FDX1: variants seen among roughly 807,000 people sequenced by gnomAD.
FDX1 encodes the protein adrenodoxin, mitochondrial.
In FDX1, 9 loss-of-function variants were observed where a neutral mutation model predicts 14.9. That is an observed-to-expected ratio of 0.60 (90% CI 0.36 to 1.05). The LOEUF (loss-of-function observed/expected upper bound fraction) is 1.05. Ranked by LOEUF, FDX1 falls within the 50% of genes least tolerant of loss-of-function variation. The pLI, the probability that FDX1 is intolerant of heterozygous loss-of-function variation, is 0.01. For missense variants in FDX1, 204 were observed against 237.2 expected, an observed-to-expected ratio of 0.86 and a Z score of 0.92; for synonymous variants, 92 against 99.4, an observed-to-expected ratio of 0.93 and a Z score of 0.44.
At chr11:110,456,509 CTT>C (rs11463993) in intron 2 of FDX1, among the ~76,000 whole-genome samples, 16 of 83,808 alleles carry the variant, frequency 1.9e-4, no homozygotes, top group African/African-American at 7.8e-4. Flanking sequence ...TTTATGTATT[CTT>C]TTTTTTTTTT....
intron 3 of FDX1, among the ~76,000 whole-genome samples, chr11:110,460,100 G>A (rs1019821520): frequency 6.6e-6 from 1 of 152,194 alleles, no homozygotes; most frequent in Non-Finnish European, 1.5e-5. Context: ...CTGTCTTAAC[G>A]AATTTGTCCA....
chr11:110,430,824 C>A (rs1464288202), intron 1 of FDX1, among the ~76,000 whole-genome samples: 1 of 152,170 alleles, frequency 6.6e-6, no homozygotes, highest in African/African-American at 2.4e-5. Context: ...ACACCCAGCC[C>A]ATACCCTCTG....
intron 2 of FDX1, among the ~76,000 whole-genome samples, chr11:110,453,000 C>A (rs1341075308): frequency 6.6e-6 from 1 of 152,150 alleles, no homozygotes; most frequent in Non-Finnish European, 1.5e-5. Flanking sequence ...TGCTCTGTAC[C>A]CTCAGTGTGG....
intron 3 of FDX1, among the ~76,000 whole-genome samples, chr11:110,458,796 C>T (rs961946745): frequency 5.9e-5 from 9 of 151,996 alleles, no homozygotes; most frequent in African/African-American, 1.9e-4. Context: ...TGAGTAGAGA[C>T]GGGGTTTCAC....
intron 3 of FDX1, among the ~76,000 whole-genome samples, chr11:110,460,523 C>T (rs12221694): frequency 0.15 from 22,564 of 152,222 alleles, 1,793 homozygotes; most frequent in East Asian, 0.25. Context: ...ACCTATCCTC[C>T]AAAGCCCATT....
At position 110,435,697 on chromosome 11, in the gene FDX1, T is replaced by TA. The variant is rs572827954; in HGVS notation, c.186-129dup. ...ACCCCGTCACTACAAAAAATAAAAA[T>TA]AAAAAAAATTAGCCAGGCGTGGTGC... On this transcript the variant is annotated intron_variant, in intron 1 of 3. Coordinates refer to ENST00000260270, the MANE Select transcript of FDX1 (RefSeq NM_004109.5). 415 of 570,950 alleles carry TA rather than the reference T, an allele frequency of 7.3e-4. 2 individuals are homozygous for TA. Among genetic ancestry groups the TA allele is most frequent in the Non-Finnish European group, 6.8e-4 (238 of 347,986 alleles). 35.4% of individuals were successfully genotyped at this position (570,950 alleles called of 1,614,324 possible).
Position 110,462,386 on chromosome 11 carries a change from A to C in FDX1, c.473A>C (p.Lys158Thr), listed in dbSNP as rs768513361. The part of the protein sequence containing the change: ...SRLGCQICLT[K>T]SMDNMTVRVP... ...TTGGGCTGCCAAATCTGTTTGACAAAATCTATGGACAATATGACTGTTCGA... is the reference window on the plus strand; with the variant it reads ...TTGGGCTGCCAAATCTGTTTGACAACATCTATGGACAATATGACTGTTCGA... Residue 158 changes from lysine (K) to threonine (T), a missense_variant, in exon 4 of 4, where the codon AAA becomes ACA. Physicochemically the swap from Lys to Thr is moderately conservative, Grantham distance 78. Coordinates refer to ENST00000260270, the MANE Select transcript of FDX1 (RefSeq NM_004109.5). The C allele has an allele frequency of 6.2e-7, 1 of 1,612,164 alleles. No homozygotes were observed. Among genetic ancestry groups the C allele is most frequent in the Non-Finnish European group, 8.5e-7 (1 of 1,178,508 alleles).
chr11:110,464,872 A>T lies in FDX1; in HGVS notation c.*2404A>T, dbSNP rs1946583295. On this transcript the variant is annotated 3_prime_UTR_variant, in exon 4 of 4. Coordinates refer to ENST00000260270, the MANE Select transcript of FDX1 (RefSeq NM_004109.5). The stretch of plus-strand genomic sequence containing the variant: ...ACCTTCTAAAATTATTAAATGGAGG[A>T]TATAATCTATAATTGGTTTGTATAA... 6.6e-6 allele frequency: 1 copy of T among 152,230 alleles called. No homozygotes were observed. Among genetic ancestry groups the T allele is most frequent in the South Asian group, 2.1e-4 (1 of 4,828 alleles). The allele number at this position is 152,230 out of a possible 1,614,324, so 9.4% of individuals were successfully genotyped here.
intron 2 of FDX1, among the ~76,000 whole-genome samples, chr11:110,447,776 C>G (rs936327132): frequency 3.3e-5 from 5 of 152,170 alleles, no homozygotes; most frequent in Admixed American, 2.0e-4. Context: ...GCCCAGCCAC[C>G]CAGTCCAAAG....
chr11:110,440,160 T>C (rs1157761598), intron 2 of FDX1, among the ~76,000 whole-genome samples: 1 of 119,590 alleles, frequency 8.4e-6, no homozygotes, highest in African/African-American at 2.7e-5. Context: ...GGATCATCTC[T>C]TTTTTTTTCT....
In FDX1 at chr11:110,464,274, A is replaced by T. The variant is rs1946579441; in HGVS notation, c.*1806A>T. Reference sequence around the variant, plus strand: ...TCTTAATTTTCTGTTGCTATAATAGAATAACACAGACTGGGTAATTTATAA... The same window carrying T: ...TCTTAATTTTCTGTTGCTATAATAGTATAACACAGACTGGGTAATTTATAA... On this transcript the variant is annotated 3_prime_UTR_variant, in exon 4 of 4. Coordinates refer to ENST00000260270, the MANE Select transcript of FDX1 (RefSeq NM_004109.5). The T allele has an allele frequency of 6.6e-6, 1 of 152,140 alleles. No individual in the cohort carries two copies. The highest frequency in any genetic ancestry group is 6.6e-5 in the Admixed American group (1 of 15,264). 9.4% of individuals were successfully genotyped at this position (152,140 alleles called of 1,614,324 possible). A position where few individuals can be genotyped will look rare whatever the true frequency, so the allele number is the denominator to read the frequency against.
At chr11:110,437,087 C>T (rs556185998) in intron 2 of FDX1, among the ~76,000 whole-genome samples, 1 of 152,304 alleles carries the variant, frequency 6.6e-6, no homozygotes, top group Admixed American at 6.5e-5. Flanking sequence ...CCTCGACCTC[C>T]TGGACTCAAG....
At position 110,435,819 on chromosome 11, in the gene FDX1, T is replaced by G. The variant is rs781457182; in HGVS notation, c.186-15T>G. ...GAAATTACTAAAAATACTAAAGGAC[T>G]GTTTTTTTTTCCAGCTCAGAAGATA... On this transcript the variant is annotated splice_polypyrimidine_tract_variant and intron_variant, in intron 1 of 3. Coordinates refer to ENST00000260270, the MANE Select transcript of FDX1 (RefSeq NM_004109.5). 7.0e-6 allele frequency: 11 copies of G among 1,563,858 alleles called. No homozygotes were observed. In the African/African-American group the frequency reaches 1.4e-4, roughly 19 times the overall value.
intron 2 of FDX1, among the ~76,000 whole-genome samples, chr11:110,442,816 T>C (rs959905994): frequency 2.0e-5 from 3 of 152,150 alleles, no homozygotes; most frequent in Admixed American, 6.5e-5. Context: ...CAGAATGATA[T>C]GGTCTAGCCA....
At chr11:110,452,289 G>T (rs375278730) in intron 2 of FDX1, among the ~76,000 whole-genome samples, 2 of 152,114 alleles carry the variant, frequency 1.3e-5, no homozygotes, top group South Asian at 2.1e-4. Flanking sequence ...ACTGTTAAGG[G>T]ACTGAAAAGC....
chr11:110,464,668 A>G lies in FDX1; in HGVS notation c.*2200A>G, dbSNP rs1946581982. 1 of 152,162 alleles carries G rather than the reference A, an allele frequency of 6.6e-6. No homozygotes were observed. The highest frequency in any genetic ancestry group is 2.4e-5 in the African/African-American group (1 of 41,436). 9.4% of individuals were successfully genotyped at this position (152,162 alleles called of 1,614,324 possible). The stretch of plus-strand genomic sequence containing the variant: ...ATAATTTTAAAGTACTTCAAAGCCA[A>G]TTTATTCTCTTAATTAGCTTCATTA... On this transcript the variant is annotated 3_prime_UTR_variant, in exon 4 of 4. Transcript: ENST00000260270.
chr11:110,452,121 T>G (rs889868517), intron 2 of FDX1, among the ~76,000 whole-genome samples: 2 of 152,006 alleles, frequency 1.3e-5, no homozygotes, highest in African/African-American at 4.8e-5. Context: ...AACTGTAAAC[T>G]CCTAAAAGAA....
Position 110,457,077 on chromosome 11 carries a change from T to C in FDX1, c.440+30T>C, listed in dbSNP as rs750678468. The C allele has an allele frequency of 3.1e-6, 5 of 1,591,612 alleles. No homozygotes were observed. The Admixed American group carries it at 5.1e-5, about 16-fold the overall frequency. On this transcript the variant is annotated intron_variant, in intron 3 of 3. Transcript: ENST00000260270. Reference sequence around the variant, plus strand: ...GATTTTTGGACTGCTTCAATTGTAATAATAATCTGGGAACATAGATGTTGT... The same window carrying C: ...GATTTTTGGACTGCTTCAATTGTAACAATAATCTGGGAACATAGATGTTGT...
At chr11:110,457,085 T>C (rs371045857) in intron 3 of FDX1, 38 bp downstream of exon 3, 40 of 1,582,272 alleles carry the variant, frequency 2.5e-5, no homozygotes, top group South Asian at 1.1e-5. Flanking sequence ...AATAATAATC[T>C]GGGAACATAG....
Sources: gnomAD v4.1 joint callset for allele counts (sites outside exome capture counted in the v4.1 genomes callset) on GRCh38, gnomAD v4.1.1 for gene constraint, MANE v1.5 for transcripts, NCBI Gene and HGNC (gene_info 2026-07-23, HGNC 2026-07-21) for gene names.